CYP2C19: variants seen among roughly 807,000 people sequenced by gnomAD.
CYP2C19 encodes cytochrome P450 2C19.
CYP2C19 carries 59 observed loss-of-function variants against 40.9 expected under a neutral mutation model. The ratio of observed to expected loss-of-function variants is 1.44; its 90% confidence interval spans 1.17 to 1.79. The LOEUF is 1.79. Among genes scored for constraint, CYP2C19 ranks in the 40% most tolerant of loss-of-function variants. The pLI is 0.00. For missense variants in CYP2C19, 754 were observed against 596.9 expected (o/e 1.26, Z -2.74); for synonymous variants, 253 against 208.7 (o/e 1.21, Z -1.83).
In CYP2C19 at chr10:94,762,869, C is replaced by A. The variant is rs572853437; in HGVS notation, c.164C>A (p.Thr55Asn). The change falls in exon 1 of 9, where the codon ACC (threonine) becomes AAC (asparagine). Residue 55 changes from threonine (T) to asparagine (N), a missense_variant. Physicochemically the swap from Thr to Asn is moderately conservative, Grantham distance 65. Coordinates refer to ENST00000371321, the MANE Select transcript of CYP2C19 (RefSeq NM_000769.4). ...IDIKDVSKSL[T>N]NLSKIYGPVF... ...ATTAAGGATGTCAGCAAATCCTTAA[C>A]CAATGTAAGTATGCTCCTTCAGTGG... 1 of 1,613,172 alleles carries A rather than the reference C, an allele frequency of 6.2e-7. No individual in the cohort carries two copies. The highest frequency in any genetic ancestry group is 8.5e-7 in the Non-Finnish European group (1 of 1,179,306).
chr10:94,854,376 T>C lies in CYP2C19; in HGVS notation c.*1462T>C, dbSNP rs1377781391. On this transcript the variant is annotated 3_prime_UTR_variant, in exon 9 of 9. Transcript: ENST00000371321. ...TAATCTTTTTCAGCTTCTCCTATAT[T>C]GTTTTAGTTTTAACATTAGTGGGAT... Among the ~76,000 whole-genome samples, 2 of 152,116 alleles carry C rather than the reference T, an allele frequency of 1.3e-5. No individual in the cohort carries two copies. The highest frequency in any genetic ancestry group is 4.8e-5 in the African/African-American group (2 of 41,414).
intron 6 of CYP2C19, among the ~76,000 whole-genome samples, chr10:94,825,877 G>T (rs1465130698): frequency 1.3e-5 from 2 of 151,062 alleles, no homozygotes; most frequent in African/African-American, 4.9e-5. Context: ...TCTACATATG[G>T]CTAGCCAGCT....
chr10:94,832,782 T>C (rs1020801790), intron 6 of CYP2C19, among the ~76,000 whole-genome samples: 4 of 152,192 alleles, frequency 2.6e-5, no homozygotes, highest in Admixed American at 6.5e-5. Context: ...AAAGATTTTT[T>C]TTCTATTTCT....
At chr10:94,836,550 G>A (rs1212385266) in intron 6 of CYP2C19, among the ~76,000 whole-genome samples, 1 of 152,164 alleles carries the variant, frequency 6.6e-6, no homozygotes, top group Admixed American at 6.5e-5. Context: ...TCCTTAATTA[G>A]TGTATATAAT....
At chr10:94,818,730 A>C (rs542931748) in intron 5 of CYP2C19, among the ~76,000 whole-genome samples, 59 of 149,028 alleles carry the variant, frequency 4.0e-4, no homozygotes, top group African/African-American at 3.0e-4. Flanking sequence ...TGATTTTTGT[A>C]CATTGATTTT....
intron 6 of CYP2C19, 94 bp downstream of exon 6, chr10:94,820,731 C>T: frequency 1.6e-5 from 24 of 1,507,540 alleles, no homozygotes; most frequent in Non-Finnish European, 2.1e-5. Context: ...AGAGAAGTTC[C>T]ATTATTTAAA....
chr10:94,850,158 T>A (rs953043257), intron 8 of CYP2C19, 100 bp downstream of exon 8: 9 of 1,360,150 alleles, frequency 6.6e-6, no homozygotes, highest in Non-Finnish European at 7.3e-6. Context: ...ACAGTTACTC[T>A]TTGTACATGA....
At chr10:94,847,831 A>G (rs1239211081) in intron 7 of CYP2C19, among the ~76,000 whole-genome samples, 2 of 152,192 alleles carry the variant, frequency 1.3e-5, no homozygotes, top group Non-Finnish European at 2.9e-5. Flanking sequence ...ATGGCCAGTG[A>G]TGATGAGCAT....
intron 6 of CYP2C19, among the ~76,000 whole-genome samples, chr10:94,836,224 C>A (rs978868524): frequency 6.6e-6 from 1 of 152,182 alleles, no homozygotes; most frequent in East Asian, 1.9e-4. Flanking sequence ...ACAGTAAGAT[C>A]TCTTCCTTGT....
chr10:94,783,120 T>C (rs950884047), intron 5 of CYP2C19, among the ~76,000 whole-genome samples: 1 of 151,778 alleles, frequency 6.6e-6, no homozygotes, highest in Non-Finnish European at 1.5e-5. Context: ...ATAATAACAA[T>C]AACAAAAATC....
chr10:94,792,605 G>A (rs544011170), intron 5 of CYP2C19, among the ~76,000 whole-genome samples: 15 of 152,138 alleles, frequency 9.9e-5, no homozygotes, highest in Non-Finnish European at 2.1e-4. Flanking sequence ...TTTCTCCTTC[G>A]TTTATGAAGC....
intron 1 of CYP2C19, 93 bp downstream of exon 1, chr10:94,762,966 A>G (rs994824449): frequency 3.8e-6 from 5 of 1,318,924 alleles, no homozygotes; most frequent in Non-Finnish European, 5.4e-6. Flanking sequence ...ATGTTACAAG[A>G]GATCATTGTA....
intron 1 of CYP2C19, among the ~76,000 whole-genome samples, chr10:94,771,715 C>T (rs1848335253): frequency 2.6e-5 from 4 of 152,108 alleles, no homozygotes; most frequent in South Asian, 4.1e-4. Flanking sequence ...TGCCCAGGAA[C>T]CTGCAACAGT....
intron 6 of CYP2C19, among the ~76,000 whole-genome samples, chr10:94,825,959 G>A (rs1849212742): frequency 1.3e-5 from 2 of 151,056 alleles, no homozygotes; most frequent in Admixed American, 1.3e-4. Flanking sequence ...TCAAAGATCA[G>A]ATAGTTGTAG....
rs989782865 is a variant in CYP2C19, at chr10:94,807,094, G to A, written c.820-13402G>A. Among the ~76,000 whole-genome samples the A allele has an allele frequency of 3.3e-5, 5 of 152,098 alleles. No homozygotes were observed. The East Asian group carries it at 7.7e-4, about 23-fold the overall frequency. Reference sequence around the variant, plus strand: ...CTACCATTCTGTTCTCTATTTCTGTGAGATTAACTTTCTTAGCTACCATAT... The same window carrying A: ...CTACCATTCTGTTCTCTATTTCTGTAAGATTAACTTTCTTAGCTACCATAT... On this transcript the variant is annotated intron_variant, in intron 5 of 8. Transcript: ENST00000371321.
At chr10:94,834,556 C>CT (rs75883570) in intron 6 of CYP2C19, among the ~76,000 whole-genome samples, 2,412 of 141,306 alleles carry the variant, frequency 0.017, 40 homozygotes, top group East Asian at 0.033. Context: ...TTTCTTTTTT[C>CT]TTTTTTTTTT....
chr10:94,798,477 G>C (rs1200157880), intron 5 of CYP2C19, among the ~76,000 whole-genome samples: 1 of 152,122 alleles, frequency 6.6e-6, no homozygotes, highest in Non-Finnish European at 1.5e-5. Flanking sequence ...GTTGATTTGG[G>C]GTGGCGAGTT....
intron 6 of CYP2C19, among the ~76,000 whole-genome samples, chr10:94,825,438 G>T (rs1849201928): frequency 6.6e-6 from 1 of 150,558 alleles, no homozygotes; most frequent in South Asian, 2.1e-4. Context: ...TGTGTTTTTT[G>T]ACTGCATAAA....
At chr10:94,823,058 A>G (rs1849154491) in intron 6 of CYP2C19, among the ~76,000 whole-genome samples, 1 of 152,294 alleles carries the variant, frequency 6.6e-6, no homozygotes, top group African/African-American at 2.4e-5. Context: ...CAGAGAGCAA[A>G]TGGAGGAATA....
Sources: allele counts gnomAD v4.1 joint callset (sites outside exome capture counted in the v4.1 genomes callset), GRCh38; gene constraint gnomAD v4.1.1; transcripts MANE v1.5; gene names NCBI Gene and HGNC (gene_info 2026-07-23, HGNC 2026-07-21).